The following EPS8L1 variants were observed in gnomAD, a reference collection of about 807,000 sequenced individuals.
EPS8L1 encodes the protein EPS8 signaling adaptor L1, also known as epidermal growth factor receptor kinase substrate 8-like protein 1.
A neutral mutation model predicts 91.7 loss-of-function variants in EPS8L1; 101 were observed. The ratio of observed to expected loss-of-function variants is 1.10; its 90% confidence interval spans 0.94 to 1.30. EPS8L1 has a LOEUF of 1.30. Ranked by LOEUF, EPS8L1 falls within the 50% of genes most tolerant of loss-of-function variation. The pLI is 0.00. For synonymous variants in EPS8L1, 506 were observed against 445.3 expected (o/e 1.14, Z -1.72); for missense variants, 1,114 against 1,017.0 (o/e 1.10, Z -1.30).
Position 55,083,408 on chromosome 19 carries a change from A to T in EPS8L1, c.1245A>T (p.Pro415=). 1.2e-6 allele frequency: 2 copies of T among 1,613,120 alleles called. No individual in the cohort carries two copies. Among genetic ancestry groups the T allele is most frequent in the Non-Finnish European group, 8.5e-7 (1 of 1,179,984 alleles). The change falls in exon 13 of 20, where the codon CCA becomes CCT. Residue 415 remains proline (P), a synonymous_variant. Transcript: ENST00000201647. The surrounding 1 kb of genome is among the most constrained non-coding windows in gnomAD (Gnocchi z 4.7). ...GLELSPEEGP[P]YRPEFFSGWE... ...AGCTGTCCCCGGAGGAGGGACCCCC[A>T]TACAGACCCGAGTTCTTCAGCGGCT... is the stretch of plus-strand genomic sequence containing the variant.
In EPS8L1 at chr19:55,081,107, C is replaced by G; in HGVS notation, c.513-124C>G. ...CTCCGTATATCGGATTTCTCCCTAC[C>G]TCGTTGAACTTGTTCACTCCCTTTG... On this transcript the variant is annotated intron_variant, in intron 7 of 19. Coordinates refer to ENST00000201647, the MANE Select transcript of EPS8L1 (RefSeq NM_133180.3). The surrounding 1 kb of genome is among the most constrained non-coding windows in gnomAD (Gnocchi z 4.9). The G allele has an allele frequency of 8.1e-7, 1 of 1,232,524 alleles. No homozygotes were observed. Among genetic ancestry groups the G allele is most frequent in the Non-Finnish European group, 1.1e-6 (1 of 917,278 alleles). 76.3% of individuals were successfully genotyped at this position (1,232,524 alleles called of 1,614,324 possible).
At position 55,081,589 on chromosome 19, in the gene EPS8L1, C is replaced by G. The variant is rs1410547980; in HGVS notation, c.774+97C>G. On this transcript the variant is annotated intron_variant, in intron 8 of 19. Transcript: ENST00000201647. The surrounding 1 kb of genome is among the most constrained non-coding windows in gnomAD (Gnocchi z 4.9). ...GGGCCGGCTGCGGGACGGGCGTTCT[C>G]TGGTCAGACTTCTGCGTTATGGAAG... The G allele has an allele frequency of 2.0e-5, 28 of 1,403,918 alleles. No homozygotes were observed. In the Middle Eastern group the frequency reaches 1.1e-3, roughly 53 times the overall value. 87.0% of individuals were successfully genotyped at this position (1,403,918 alleles called of 1,614,324 possible).
chr19:55,083,985 T>C lies in EPS8L1; in HGVS notation c.1385+341T>C. Reference sequence around the variant, plus strand: ...GAAGCCAGTTTGTTTTCCCAGGGCCTGGGAAGCACCATGCCTGGGCTCCCT... The same window carrying C: ...GAAGCCAGTTTGTTTTCCCAGGGCCCGGGAAGCACCATGCCTGGGCTCCCT... On this transcript the variant is annotated intron_variant, in intron 14 of 19. Coordinates refer to ENST00000201647, the MANE Select transcript of EPS8L1 (RefSeq NM_133180.3). The surrounding 1 kb of genome is among the most constrained non-coding windows in gnomAD (Gnocchi z 4.7). 1.8e-6 allele frequency: 1 copy of C among 557,208 alleles called. No individual in the cohort carries two copies. Among genetic ancestry groups the C allele is most frequent in the Non-Finnish European group, 3.2e-6 (1 of 310,494 alleles). 34.5% of individuals were successfully genotyped at this position (557,208 alleles called of 1,614,324 possible). A position where few individuals can be genotyped will look rare whatever the true frequency, so the allele number is the denominator to read the frequency against.
chr19:55,087,814 G>A lies in EPS8L1; in HGVS notation c.*200G>A. Reference sequence around the variant, plus strand: ...GATCTGGACTGGCTGGGAGTGGGGAGGGCGTGGAGACAGTCTACGGAAAGC... The same window carrying A: ...GATCTGGACTGGCTGGGAGTGGGGAAGGCGTGGAGACAGTCTACGGAAAGC... On this transcript the variant is annotated 3_prime_UTR_variant, in exon 20 of 20. Transcript: ENST00000201647. 1.6e-6 allele frequency: 1 copy of A among 619,938 alleles called. No homozygotes were observed. 38.4% of individuals were successfully genotyped at this position (619,938 alleles called of 1,614,324 possible).
Position 55,081,698 on chromosome 19 carries a change from G to A in EPS8L1, c.775-75G>A. The stretch of plus-strand genomic sequence containing the variant: ...GCCTGATCTGGGGAAGTGTATAGGT[G>A]CTCAGGTTCAGGGCTTCGACGGGGA... On this transcript the variant is annotated intron_variant, in intron 8 of 19. Coordinates refer to ENST00000201647, the MANE Select transcript of EPS8L1 (RefSeq NM_133180.3). This position sits in a 1 kb window ranked among gnomAD's most constrained non-coding sequence, Gnocchi z 4.9. 1 of 1,539,136 alleles carries A rather than the reference G, an allele frequency of 6.5e-7. No individual in the cohort carries two copies. The highest frequency in any genetic ancestry group is 8.8e-7 in the Non-Finnish European group (1 of 1,141,858).
intron 3 of EPS8L1, 37 bp downstream of exon 3, chr19:55,078,165 C>T: frequency 3.1e-6 from 5 of 1,607,534 alleles, no homozygotes; most frequent in Non-Finnish European, 4.3e-6. Context: ...GCCCATAGAA[C>T]TGGGTCTAAA....
In EPS8L1 at chr19:55,082,583, G is replaced by T; in HGVS notation, c.1195G>T (p.Asp399Tyr). Reference sequence around the variant, plus strand: ...AAACGAGCTCTGGACCTCGCTGGGGGACTCGTGGACCCGCCCCGGGTGAGG... The same window carrying T: ...AAACGAGCTCTGGACCTCGCTGGGGTACTCGTGGACCCGCCCCGGGTGAGG... ...RENELWTSLGDSWTRPGLELS... is the reference protein window; with the variant it reads ...RENELWTSLGYSWTRPGLELS... Residue 399 changes from aspartate (D) to tyrosine (Y), a missense_variant, in exon 12 of 20, where the codon GAC (aspartate) becomes TAC (tyrosine). Transcript: ENST00000201647. The T allele has an allele frequency of 1.9e-6, 3 of 1,569,278 alleles. No homozygotes were observed. Among genetic ancestry groups the T allele is most frequent in the Non-Finnish European group, 1.7e-6 (2 of 1,157,688 alleles).
chr19:55,077,123 A>G (rs1626809), intron 2 of EPS8L1, among the ~76,000 whole-genome samples: 109,875 of 152,024 alleles, frequency 0.72, 39,855 homozygotes, highest in Non-Finnish European at 0.74. Context: ...TGTTATGTGC[A>G]TGCAAGTGGG....
At chr19:55,082,048 G>A in intron 9 of EPS8L1, 44 bp from the exon 10 acceptor site, 3 of 1,557,030 alleles carry the variant, frequency 1.9e-6, no homozygotes, top group Non-Finnish European at 1.7e-6. Context: ...CCTGCCTGGT[G>A]CTGGCCCCGC....
intron 18 of EPS8L1, 44 bp from the exon 19 acceptor site, chr19:55,087,259 C>T (rs1437293478): frequency 1.3e-6 from 2 of 1,553,664 alleles, no homozygotes; most frequent in East Asian, 2.4e-5. Context: ...CGGGCTGGGG[C>T]ATCCGCCGAC....
At chr19:55,077,790 T>C (rs376189538) in intron 2 of EPS8L1, among the ~76,000 whole-genome samples, 2 of 151,406 alleles carry the variant, frequency 1.3e-5, no homozygotes, top group South Asian at 4.2e-4. Context: ...GGTTTCACCA[T>C]GTTGGCCAAG....
At position 55,085,966 on chromosome 19, in the gene EPS8L1, T is replaced by C; in HGVS notation, c.1511T>C (p.Val504Ala). 1.9e-6 allele frequency: 3 copies of C among 1,612,770 alleles called. No homozygotes were observed. Among genetic ancestry groups the C allele is most frequent in the Non-Finnish European group, 2.5e-6 (3 of 1,178,958 alleles). ...GAGCTGTCGGTCAAGCAGCGGGACG[T>C]ACTGGAGGTTAGAGGAGCGGGAGGC... is the stretch of plus-strand genomic sequence containing the variant. ...SSELSVKQRD[V>A]LEVLDDSRKW... Residue 504 changes from valine (V) to alanine (A), a missense_variant, in exon 15 of 20, where the codon GTA (valine) becomes GCA (alanine). Physicochemically the swap from Val to Ala is moderately conservative, Grantham distance 64 (BLOSUM62 0). Transcript: ENST00000201647.
Position 55,079,077 on chromosome 19 carries a change from TC to T in EPS8L1, c.117+25del, listed in dbSNP as rs777770520. The T allele has an allele frequency of 1.9e-6, 3 of 1,613,566 alleles. No individual in the cohort carries two copies. Among genetic ancestry groups the T allele is most frequent in the African/African-American group, 2.7e-5 (2 of 75,002 alleles). On this transcript the variant is annotated intron_variant, in intron 4 of 19. Transcript: ENST00000201647. ...GTCAATGTGAGTCTGGGGTCTGTGT[TC>T]CCCCAGGACATCTTCTGGGGCAAAG...
intron 3 of EPS8L1, 67 bp from the exon 4 acceptor site, chr19:55,078,932 C>T (rs1024508776): frequency 6.4e-7 from 1 of 1,553,164 alleles, no homozygotes. Context: ...GGGGCCTGGA[C>T]TCCTGGGTCT....
Position 55,086,086 on chromosome 19 carries a change from G to A in EPS8L1, c.1544G>A (p.Trp515Ter). The A allele has an allele frequency of 6.3e-7, 1 of 1,599,948 alleles. No homozygotes were observed. The highest frequency in any genetic ancestry group is 1.1e-5 in the South Asian group (1 of 89,322). Residue 515 changes from tryptophan (W) to a stop codon, truncating the protein, a stop_gained, in exon 16 of 20, where the codon TGG becomes TAG. Transcript: ENST00000201647. LOFTEE classifies it high-confidence loss of function. ...GTCCTGGATGACAGTCGTAAGTGGTGGAAGGTTCGGGACCCAGCGGGGCAG... is the reference window on the plus strand; with the variant it reads ...GTCCTGGATGACAGTCGTAAGTGGTAGAAGGTTCGGGACCCAGCGGGGCAG... ...LEVLDDSRKW[W>*]KVRDPAGQEG... is the part of the protein sequence containing the mutation.
At position 55,083,322 on chromosome 19, in the gene EPS8L1, C is replaced by T. The variant is rs2076309887; in HGVS notation, c.1215-56C>T. ...AAACTTAGTGAAGTTAATGCAGGAA[C>T]GAAGTTGGGGGCTGTATCAGGATCC... is the stretch of plus-strand genomic sequence containing the variant. On this transcript the variant is annotated intron_variant, in intron 12 of 19. Transcript: ENST00000201647. This position sits in a 1 kb window ranked among gnomAD's most constrained non-coding sequence, Gnocchi z 4.7. 6.3e-7 allele frequency: 1 copy of T among 1,581,594 alleles called. No individual in the cohort carries two copies. The highest frequency in any genetic ancestry group is 1.8e-5 in the Admixed American group (1 of 55,154).
At chr19:55,087,282 G>A in intron 18 of EPS8L1, 21 bp from the exon 19 acceptor site, 1 of 1,583,906 alleles carries the variant, frequency 6.3e-7, no homozygotes, top group Non-Finnish European at 8.6e-7. Flanking sequence ...GCCTGACCGC[G>A]CCCGGGCTGC....
rs772666617 is a variant in EPS8L1 at position 55,079,701 on chromosome 19, G to T, written c.129G>T (p.Thr43=). The T allele has an allele frequency of 5.6e-6, 9 of 1,613,950 alleles. No homozygotes were observed. The highest frequency in any genetic ancestry group is 7.6e-6 in the Non-Finnish European group (9 of 1,179,886). The change falls in exon 5 of 20, where the codon ACG becomes ACT. Residue 43 remains threonine (T), a synonymous_variant. Coordinates refer to ENST00000201647, the MANE Select transcript of EPS8L1 (RefSeq NM_133180.3). ...ATGGTCCGTACCAGCACCTGGTGAC[G>T]TTCTGCCTGGGTGAGGACGATGGCG... ...VSQYPVNHLV[T]FCLGEDDGVH... is the part of the protein sequence containing the mutation.
intron 1 of EPS8L1, 182 bp from the exon 2 acceptor site, chr19:55,076,226 G>C (rs1376839832): frequency 1.9e-6 from 1 of 519,428 alleles, no homozygotes; most frequent in Non-Finnish European, 3.5e-6. Flanking sequence ...TGGACTCCTG[G>C]GTCTAGGGAA....
Sources: gnomAD v4.1 joint callset for allele counts (sites outside exome capture counted in the v4.1 genomes callset) on GRCh38, gnomAD v4.1.1 for gene constraint, Gnocchi (gnomAD v3.1) non-coding constraint, MANE v1.5 for transcripts, NCBI Gene and HGNC (gene_info 2026-07-23, HGNC 2026-07-21) for gene names.